The following BTBD10 variants were observed in gnomAD, a reference collection of about 807,000 sequenced individuals.
BTBD10 encodes BTB domain containing 10.
A neutral mutation model predicts 53.2 loss-of-function variants in BTBD10; 21 were observed. That is an observed-to-expected ratio of 0.39 (90% CI 0.28 to 0.57). The LOEUF (loss-of-function observed/expected upper bound fraction) is 0.57, where lower values mean the gene tolerates loss of function less well. Among genes scored for constraint, BTBD10 ranks in the 20% least tolerant of loss-of-function variants. BTBD10 has a pLI of 0.53. For missense variants in BTBD10, 360 were observed against 594.7 expected, an observed-to-expected ratio of 0.61 and a Z score of 4.10; for synonymous variants, 149 against 192.7, an observed-to-expected ratio of 0.77 and a Z score of 1.88.
rs1379694887 is a variant in BTBD10 at position 13,388,880 on chromosome 11, G to C, written c.1379C>G (p.Pro460Arg). 1 of 1,614,094 alleles carries C rather than the reference G, an allele frequency of 6.2e-7. No individual in the cohort carries two copies. The highest frequency in any genetic ancestry group is 1.1e-5 in the South Asian group (1 of 91,082). The change falls in exon 9 of 9, where the codon CCT becomes CGT. Residue 460 changes from proline (P) to arginine (R), a missense_variant. Around this residue, in one of 6 missense-constraint regions of BTBD10, gnomAD observed 25 missense variants for 24.9 expected, o/e 1.00. Transcript: ENST00000278174. Reference sequence around the variant, plus strand: ...AGGATCGAGGTCACTGTTGCCAGAAGGGGGATGGATAGGGAGAATATCCAG... The same window carrying C: ...AGGATCGAGGTCACTGTTGCCAGAACGGGGATGGATAGGGAGAATATCCAG... ...DELDILPIHP[P>R]SGNSDLDPDA... is the part of the protein sequence containing the mutation.
chr11:13,408,642 C>T (rs1340350382), intron 6 of BTBD10, among the ~76,000 whole-genome samples: 1 of 152,138 alleles, frequency 6.6e-6, no homozygotes, highest in East Asian at 1.9e-4. Context: ...AAGTCTCCCC[C>T]ATCTCAATTA....
At chr11:13,455,169 T>C (rs1389939158) in intron 1 of BTBD10, among the ~76,000 whole-genome samples, 12 of 152,232 alleles carry the variant, frequency 7.9e-5, no homozygotes, top group Admixed American at 7.9e-4. Context: ...TGCCTTGGCC[T>C]CCCAAAGTGC....
rs1265293979 is a variant in BTBD10 at position 13,457,198 on chromosome 11, G to A, written c.-58+5894C>T. On this transcript the variant is annotated intron_variant, in intron 1 of 8. Coordinates refer to ENST00000278174, the MANE Select transcript of BTBD10 (RefSeq NM_032320.7). The stretch of plus-strand genomic sequence containing the variant: ...AATAAATAAATAAATAAAATAAAAA[G>A]AAAAACACAGATTATATAACCCTGG... 5.3e-5 allele frequency among the ~76,000 whole-genome samples: 8 copies of A among 151,786 alleles called. No homozygotes were observed. The South Asian group carries it at 1.2e-3, about 24-fold the overall frequency.
chr11:13,412,409 C>A (rs1949977520), intron 6 of BTBD10, among the ~76,000 whole-genome samples: 1 of 152,046 alleles, frequency 6.6e-6, no homozygotes, highest in South Asian at 2.1e-4. Flanking sequence ...GCTGAGATTG[C>A]ACCACTGCAC....
At chr11:13,402,070 C>T (rs1165948895) in intron 8 of BTBD10, among the ~76,000 whole-genome samples, 2 of 152,188 alleles carry the variant, frequency 1.3e-5, no homozygotes, top group African/African-American at 4.8e-5. Context: ...TTCTCTCTAG[C>T]TCTAAGACCA....
chr11:13,404,683 T>C (rs2135771307), intron 7 of BTBD10: 1 of 799,940 alleles, frequency 1.3e-6, no homozygotes, highest in East Asian at 1.2e-4. Flanking sequence ...GAAATGTCTA[T>C]TACTACAACT....
intron 4 of BTBD10, among the ~76,000 whole-genome samples, chr11:13,418,394 C>T (rs972066112): frequency 6.6e-6 from 1 of 151,906 alleles, no homozygotes; most frequent in Non-Finnish European, 1.5e-5. Context: ...CACTTTAAAA[C>T]GTTTTTTTAA....
At chr11:13,408,249 C>T (rs1949870366) in intron 6 of BTBD10, among the ~76,000 whole-genome samples, 1 of 152,150 alleles carries the variant, frequency 6.6e-6, no homozygotes, top group Non-Finnish European at 1.5e-5. Flanking sequence ...TTAACTCTCA[C>T]CCAAATTACT....
At chr11:13,405,519 A>T in intron 7 of BTBD10, 140 bp downstream of exon 7, 1 of 851,960 alleles carries the variant, frequency 1.2e-6, no homozygotes, top group East Asian at 2.6e-5. Context: ...AGCCATAGGC[A>T]ATACATAAAA....
chr11:13,441,354 C>T (rs1376655922), intron 2 of BTBD10, among the ~76,000 whole-genome samples: 1 of 152,088 alleles, frequency 6.6e-6, no homozygotes, highest in Admixed American at 6.6e-5. Flanking sequence ...ATGCTACTTA[C>T]TCTGATACGA....
Position 13,458,079 on chromosome 11 carries a change from A to C in BTBD10, c.-58+5013T>G, listed in dbSNP as rs189750977. On this transcript the variant is annotated intron_variant, in intron 1 of 8. Coordinates refer to ENST00000278174, the MANE Select transcript of BTBD10 (RefSeq NM_032320.7). ...CTACTTGGGAGGCTGGGGTGAGAGG[A>C]TCACTTGAGCCCAGAAGTTCAAGGT... 4.7e-5 allele frequency among the ~76,000 whole-genome samples: 7 copies of C among 148,742 alleles called. No homozygotes were observed. The East Asian group carries it at 1.2e-3, about 26-fold the overall frequency.
chr11:13,399,623 C>G (rs896555319), intron 8 of BTBD10, among the ~76,000 whole-genome samples: 4 of 152,166 alleles, frequency 2.6e-5, no homozygotes, highest in Non-Finnish European at 5.9e-5. Context: ...GAGAGGCGCT[C>G]TGATTTTTAG....
rs1950135564 is a variant in BTBD10 at position 13,417,211 on chromosome 11, C to G, written c.634G>C (p.Gly212Arg). ...EHNFTRPNEK[G>R]EYEVAEGIGS... is the part of the protein sequence containing the mutation. ...ATTCCCTCTGCCACCTCATACTCTC[C>G]TTTCTCATTGGGTCGTGTAAAGTTA... The change falls in exon 5 of 9, where the codon GGA becomes CGA. Residue 212 changes from glycine to arginine, a missense_variant. Transcript: ENST00000278174. The G allele has an allele frequency of 6.2e-7, 1 of 1,613,586 alleles. No homozygotes were observed.
chr11:13,423,706 T>C (rs1318433159), intron 2 of BTBD10, among the ~76,000 whole-genome samples: 1 of 152,210 alleles, frequency 6.6e-6, no homozygotes, highest in Non-Finnish European at 1.5e-5. Flanking sequence ...ATCTCTTTGG[T>C]TGATTTTATT....
intron 2 of BTBD10, among the ~76,000 whole-genome samples, chr11:13,426,899 C>G (rs1436936637): frequency 6.6e-6 from 1 of 152,168 alleles, no homozygotes; most frequent in Non-Finnish European, 1.5e-5. Flanking sequence ...ACATTAAATA[C>G]AGATAGCCTT....
chr11:13,432,961 T>C (rs1950478636), intron 2 of BTBD10, among the ~76,000 whole-genome samples: 1 of 152,068 alleles, frequency 6.6e-6, no homozygotes, highest in Admixed American at 6.6e-5. Context: ...CTGATATAAG[T>C]AGCACTCATA....
At chr11:13,434,965 G>C (rs1203729247) in intron 2 of BTBD10, among the ~76,000 whole-genome samples, 1 of 152,208 alleles carries the variant, frequency 6.6e-6, no homozygotes, top group Non-Finnish European at 1.5e-5. Context: ...CTGAATGCAA[G>C]TGAAAGTGAA....
intron 1 of BTBD10, chr11:13,459,715 A>AG (rs554020293): frequency 3.9e-5 from 6 of 152,354 alleles, no homozygotes; most frequent in Admixed American, 3.3e-4. Context: ...TAGTATTAGT[A>AG]GTCCAGCCTG....
chr11:13,404,475 TC>T (rs1355883564), intron 7 of BTBD10: 1 of 295,426 alleles, frequency 3.4e-6, no homozygotes, highest in Non-Finnish European at 5.0e-6. Flanking sequence ...GACTGTACCT[TC>T]TTGGGGTCAA....
Sources: allele counts gnomAD v4.1 joint callset (sites outside exome capture counted in the v4.1 genomes callset), GRCh38; gene constraint gnomAD v4.1.1; regional missense constraint gnomAD v4.1.1; transcripts MANE v1.5; gene names NCBI Gene and HGNC (gene_info 2026-07-23, HGNC 2026-07-21).